The following TRIP4 variants were observed in gnomAD, a reference collection of about 807,000 sequenced individuals.
TRIP4 encodes the protein activating signal cointegrator 1.
A neutral mutation model predicts 81.8 loss-of-function variants in TRIP4; 54 were observed. The ratio of observed to expected loss-of-function variants is 0.66; its 90% CI spans 0.53 to 0.83. TRIP4 has a LOEUF of 0.83. Ranked by LOEUF, TRIP4 falls within the 40% of genes least tolerant of loss-of-function variation. The pLI is 0.00. For synonymous variants in TRIP4, 270 were observed against 242.8 expected (o/e 1.11, Z -1.04); for missense variants, 662 against 683.6 (o/e 0.97, Z 0.35).
intron 12 of TRIP4, among the ~76,000 whole-genome samples, chr15:64,450,475 T>C (rs561524104): frequency 6.6e-6 from 1 of 150,472 alleles, no homozygotes; most frequent in South Asian, 2.1e-4. Context: ...GAGCTTTGAG[T>C]TCCTGCAATC....
At chr15:64,415,774 G>A (rs1402847738) in intron 8 of TRIP4, among the ~76,000 whole-genome samples, 2 of 152,158 alleles carry the variant, frequency 1.3e-5, no homozygotes, top group African/African-American at 2.4e-5. Flanking sequence ...ATTTTGGGGG[G>A]ATACTACTCA....
In TRIP4 at chr15:64,389,901, C is replaced by G. The variant is rs1435512078; in HGVS notation, c.101+1937C>G. On this transcript the variant is annotated intron_variant, in intron 1 of 12. Transcript: ENST00000261884. ...ATTCTTACTAGAGATGGGGTTTCACCATGTTGACCAGGGTGGTCTCGAACT... is the reference window on the plus strand; with the variant it reads ...ATTCTTACTAGAGATGGGGTTTCACGATGTTGACCAGGGTGGTCTCGAACT... 2.7e-5 allele frequency among the ~76,000 whole-genome samples: 4 copies of G among 150,340 alleles called. No homozygotes were observed. The Admixed American group carries it at 2.7e-4, about 10-fold the overall frequency.
chr15:64,400,949 G>GT (rs1410560491), intron 5 of TRIP4, 128 bp downstream of exon 5: 701 of 627,644 alleles, frequency 1.1e-3, no homozygotes, highest in African/African-American at 3.3e-3. Context: ...TTTTTTGGGG[G>GT]GTTTTTTTTG....
At position 64,395,417 on chromosome 15, in the gene TRIP4, A is replaced by G. The variant is rs1596335399; in HGVS notation, c.291A>G (p.Lys97=). Residue 97 remains lysine, a synonymous_variant, in exon 3 of 13, where the codon AAA becomes AAG. Coordinates refer to ENST00000261884, the MANE Select transcript of TRIP4 (RefSeq NM_016213.5). ...FKKDEILDGQ[K]SGDHLKRGRK... The stretch of plus-strand genomic sequence containing the variant: ...TTAAAGAAATTTTAGATGGGCAGAA[A>G]TCAGGCGACCATCTAAAGCGGGGTA... The G allele has an allele frequency of 6.2e-7, 1 of 1,610,214 alleles. No homozygotes were observed.
At chr15:64,411,687 T>TG (rs1196477224) in intron 7 of TRIP4, among the ~76,000 whole-genome samples, 2 of 150,814 alleles carry the variant, frequency 1.3e-5, no homozygotes, top group Non-Finnish European at 3.0e-5. Context: ...TGCATACTGT[T>TG]TTTTTTTTTT....
intron 11 of TRIP4, among the ~76,000 whole-genome samples, chr15:64,431,675 C>T (rs1348602368): frequency 6.6e-6 from 1 of 150,898 alleles, no homozygotes; most frequent in Non-Finnish European, 1.5e-5. Flanking sequence ...CACTGCACTC[C>T]AGCCTGGGCA....
At chr15:64,390,115 TTATATTAAA>T (rs1900079368) in intron 1 of TRIP4, among the ~76,000 whole-genome samples, 1 of 147,518 alleles carries the variant, frequency 6.8e-6, no homozygotes, top group African/African-American at 2.5e-5. Flanking sequence ...ATATCAAATA[TTATATTAAA>T]TATATTAAAT....
chr15:64,400,841 T>C lies in TRIP4; in HGVS notation c.697+20T>C. The C allele has an allele frequency of 1.9e-6, 3 of 1,600,996 alleles. No homozygotes were observed. The highest frequency in any genetic ancestry group is 2.6e-6 in the Non-Finnish European group (3 of 1,168,690). ...TGTCAGGTAGACAGCAGTCTTGTAATTGGATCACTGGGATGATGGGTACCT... is the reference window on the plus strand; with the variant it reads ...TGTCAGGTAGACAGCAGTCTTGTAACTGGATCACTGGGATGATGGGTACCT... On this transcript the variant is annotated intron_variant, in intron 5 of 12. Transcript: ENST00000261884.
At position 64,425,530 on chromosome 15, in the gene TRIP4, C is replaced by A. The variant is rs2140301377; in HGVS notation, c.1484-10C>A. On this transcript the variant is annotated splice_polypyrimidine_tract_variant and intron_variant, in intron 10 of 12. Coordinates refer to ENST00000261884, the MANE Select transcript of TRIP4 (RefSeq NM_016213.5). ...AAATTTATTCAATATTTTTGTTATT[C>A]CTGATTCAGATGTGGAATTTCCTAA... The A allele has an allele frequency of 6.2e-7, 1 of 1,603,726 alleles. No individual in the cohort carries two copies. Among genetic ancestry groups the A allele is most frequent in the South Asian group, 1.1e-5 (1 of 88,280 alleles).
rs150968069 is a variant in TRIP4, at chr15:64,399,709, C to G, written c.619-1034C>G. On this transcript the variant is annotated intron_variant, in intron 4 of 12. Coordinates refer to ENST00000261884, the MANE Select transcript of TRIP4 (RefSeq NM_016213.5). ...TAGAGACAGGGTTTCTCTATATTGACCACGCTCAATTGAACTCCTGACCTC... is the reference window on the plus strand; with the variant it reads ...TAGAGACAGGGTTTCTCTATATTGAGCACGCTCAATTGAACTCCTGACCTC... Among the ~76,000 whole-genome samples, 1,151 of 151,976 alleles carry G rather than the reference C, an allele frequency of 7.6e-3. 10 individuals carry two copies. Among genetic ancestry groups the G allele is most frequent in the Non-Finnish European group, 0.012 (787 of 67,960 alleles).
intron 6 of TRIP4, among the ~76,000 whole-genome samples, chr15:64,408,542 G>A (rs1490715704): frequency 6.7e-6 from 1 of 150,362 alleles, no homozygotes; most frequent in Non-Finnish European, 1.5e-5. Flanking sequence ...TACAGGTGTT[G>A]AGCCACTGTG....
intron 2 of TRIP4, among the ~76,000 whole-genome samples, chr15:64,394,998 C>T (rs1330959815): frequency 6.6e-6 from 1 of 152,110 alleles, no homozygotes; most frequent in African/African-American, 2.4e-5. Flanking sequence ...GCGTGTGTTA[C>T]CACACCTGGC....
At chr15:64,403,967 G>A (rs1290665937) in intron 5 of TRIP4, among the ~76,000 whole-genome samples, 1 of 151,892 alleles carries the variant, frequency 6.6e-6, no homozygotes, top group East Asian at 1.9e-4. Context: ...CGAGACGGGC[G>A]GATCACCTGA....
intron 6 of TRIP4, among the ~76,000 whole-genome samples, chr15:64,409,252 T>A (rs980236627): frequency 6.6e-6 from 1 of 151,570 alleles, no homozygotes; most frequent in Admixed American, 6.6e-5. Context: ...AGAACTCCAG[T>A]AAGCAAATAA....
At chr15:64,437,613 C>T (rs1353445098) in intron 11 of TRIP4, among the ~76,000 whole-genome samples, 6 of 151,804 alleles carry the variant, frequency 4.0e-5, no homozygotes, top group Non-Finnish European at 5.9e-5. Context: ...CTGCCTCAGC[C>T]TCCTGAGTAG....
chr15:64,408,298 G>A (rs71394554), intron 6 of TRIP4, among the ~76,000 whole-genome samples: 1 of 109,930 alleles, frequency 9.1e-6, no homozygotes, highest in Non-Finnish European at 1.7e-5. Context: ...TTGCTCTGTC[G>A]CCTGGGCTGC....
At chr15:64,439,789 G>A (rs1892476982) in intron 11 of TRIP4, among the ~76,000 whole-genome samples, 1 of 151,830 alleles carries the variant, frequency 6.6e-6, no homozygotes, top group Non-Finnish European at 1.5e-5. Context: ...CTCCCAAAGT[G>A]CTAGGATTAC....
At chr15:64,407,235 A>T (rs1183120226) in intron 6 of TRIP4, among the ~76,000 whole-genome samples, 1 of 152,120 alleles carries the variant, frequency 6.6e-6, no homozygotes, top group Non-Finnish European at 1.5e-5. Flanking sequence ...GCTACTTCCA[A>T]ACCATTTGCT....
intron 11 of TRIP4, among the ~76,000 whole-genome samples, chr15:64,432,233 T>C (rs1011989501): frequency 6.6e-6 from 1 of 151,990 alleles, no homozygotes; most frequent in Non-Finnish European, 1.5e-5. Context: ...ATGGGAAATA[T>C]TACCACTTTT....
Sources: allele counts gnomAD v4.1 joint callset (sites outside exome capture counted in the v4.1 genomes callset), GRCh38; gene constraint gnomAD v4.1.1; transcripts MANE v1.5; gene names NCBI Gene and HGNC (gene_info 2026-07-23, HGNC 2026-07-21).